Variants in UNK observed in about 807,000 individuals in gnomAD.
UNK encodes unk zinc finger, also known as RING finger protein unkempt homolog.
A neutral mutation model predicts 97.6 loss-of-function variants in UNK; 32 were observed. The ratio of observed to expected loss-of-function variants is 0.33; its 90% CI spans 0.25 to 0.44. UNK has a LOEUF of 0.44. Ranked by LOEUF, UNK falls within the 20% of genes least tolerant of loss-of-function variation. UNK has a pLI of 1.00. For synonymous variants in UNK, 441 were observed against 461.2 expected, an observed-to-expected ratio of 0.96 and a Z score of 0.56; for missense variants, 771 against 1,098.4, an observed-to-expected ratio of 0.70 and a Z score of 4.21.
chr17:75,823,672 G>A, intron 15 of UNK, 150 bp downstream of exon 15: 1 of 1,208,170 alleles, frequency 8.3e-7, no homozygotes. Context: ...CCGGCCTGCT[G>A]GGAATGGGTG....
intron 1 of UNK, chr17:75,793,842 T>A: frequency 1.0e-6 from 1 of 985,462 alleles, no homozygotes. Flanking sequence ...TACCCCCACA[T>A]AAGAGAAGTA....
chr17:75,809,968 G>A lies in UNK; in HGVS notation c.313G>A (p.Glu105Lys), dbSNP rs2061953437. The A allele has an allele frequency of 1.9e-6, 3 of 1,613,270 alleles. No homozygotes were observed. Among genetic ancestry groups the A allele is most frequent in the Non-Finnish European group, 2.5e-6 (3 of 1,179,878 alleles). Residue 105 changes from glutamate (E) to lysine (K), a missense_variant and splice_region_variant, in exon 2 of 16, where the codon GAG (glutamate) becomes AAG (lysine). Coordinates refer to ENST00000589666, the MANE Select transcript of UNK (RefSeq NM_001080419.3). ...EATGLCPEGDECPFLHRTTGD... is the reference protein window; with the variant it reads ...EATGLCPEGDKCPFLHRTTGD... ...TACAGGCCTCTGCCCGGAGGGCGAC[G>A]AGTGAGTGACCCAGCCTGTCCTCAG...
At chr17:75,796,856 G>A (rs1256787086) in intron 1 of UNK, among the ~76,000 whole-genome samples, 1 of 152,132 alleles carries the variant, frequency 6.6e-6, no homozygotes, top group Non-Finnish European at 1.5e-5. Flanking sequence ...TGGCTCATAT[G>A]CTCTTACAAT....
chr17:75,817,049 T>C lies in UNK; in HGVS notation c.1104+137T>C. 7.4e-7 allele frequency: 1 copy of C among 1,353,718 alleles called. No individual in the cohort carries two copies. The highest frequency in any genetic ancestry group is 9.8e-7 in the Non-Finnish European group (1 of 1,022,152). The allele number at this position is 1,353,718 out of a possible 1,614,324, so 83.9% of individuals were successfully genotyped here. A position where few individuals can be genotyped will look rare whatever the true frequency, so the allele number is the denominator to read the frequency against. On this transcript the variant is annotated intron_variant, in intron 8 of 15. Coordinates refer to ENST00000589666, the MANE Select transcript of UNK (RefSeq NM_001080419.3). This position sits in a 1 kb window ranked among gnomAD's most constrained non-coding sequence, Gnocchi z 5.8. Reference sequence around the variant, plus strand: ...GCCAGGGGGATCTGTCTTTTCCATCTCAGCATTCTTCGTCAAAAGTCCAGG... The same window carrying C: ...GCCAGGGGGATCTGTCTTTTCCATCCCAGCATTCTTCGTCAAAAGTCCAGG...
rs780894433 is a variant in UNK, at chr17:75,812,098, C to G, written c.315-14C>G. The stretch of plus-strand genomic sequence containing the variant: ...AGGCAGCAAAGTTGAGTGACCCCCA[C>G]TACCGTGTTCCAGGTGCCCATTCCT... On this transcript the variant is annotated splice_polypyrimidine_tract_variant and intron_variant, in intron 2 of 15. Coordinates refer to ENST00000589666, the MANE Select transcript of UNK (RefSeq NM_001080419.3). 3 of 1,584,214 alleles carry G rather than the reference C, an allele frequency of 1.9e-6. No homozygotes were observed. The highest frequency in any genetic ancestry group is 2.7e-5 in the African/African-American group (2 of 74,374).
At chr17:75,813,257 A>AG in intron 5 of UNK, 44 bp downstream of exon 5, 1 of 1,542,820 alleles carries the variant, frequency 6.5e-7, no homozygotes, top group Non-Finnish European at 8.7e-7. Context: ...GAGGAGTGGC[A>AG]GGGAAGGGGT....
chr17:75,821,325 G>C (rs2062065967), intron 13 of UNK: 1 of 454,694 alleles, frequency 2.2e-6, no homozygotes, highest in Non-Finnish European at 4.4e-6. Flanking sequence ...AACAGTCCCT[G>C]CTGTCCAGCA....
chr17:75,787,553 C>T (rs529816513), intron 1 of UNK, among the ~76,000 whole-genome samples: 13 of 149,078 alleles, frequency 8.7e-5, no homozygotes, highest in Non-Finnish European at 1.3e-4. Flanking sequence ...GGGCAGGGTG[C>T]GGTTGCTCAC....
intron 1 of UNK, among the ~76,000 whole-genome samples, chr17:75,802,567 C>T (rs533990106): frequency 6.6e-6 from 1 of 152,144 alleles, no homozygotes; most frequent in Admixed American, 6.5e-5. Flanking sequence ...GGAATATTTC[C>T]TTACAGCAGA....
At chr17:75,803,585 T>C (rs1361894515) in intron 1 of UNK, among the ~76,000 whole-genome samples, 1 of 152,180 alleles carries the variant, frequency 6.6e-6, no homozygotes, top group Admixed American at 6.5e-5. Context: ...TGTAAGGTGG[T>C]TTATTCATTG....
At chr17:75,787,756 C>G (rs2061725937) in intron 1 of UNK, among the ~76,000 whole-genome samples, 1 of 150,802 alleles carries the variant, frequency 6.6e-6, no homozygotes, top group African/African-American at 2.4e-5. Flanking sequence ...ACCCAGGAGG[C>G]AGAGGTTGCA....
intron 1 of UNK, among the ~76,000 whole-genome samples, chr17:75,805,775 G>A (rs918550259): frequency 1.2e-4 from 18 of 151,850 alleles, no homozygotes; most frequent in Non-Finnish European, 8.8e-5. Context: ...TCCAGCCTGG[G>A]CAACAGAGCG....
rs2062018954 is a variant in UNK at position 75,816,740 on chromosome 17, C to A, written c.962-30C>A. ...TTTGGAGGGACAGAGCTGGCTGGGG[C>A]CTGCTGACCCCTGCCCCTGACTCTT... On this transcript the variant is annotated intron_variant, in intron 7 of 15. Transcript: ENST00000589666. This position sits in a 1 kb window ranked among gnomAD's most constrained non-coding sequence, Gnocchi z 4.0. 3 of 1,578,056 alleles carry A rather than the reference C, an allele frequency of 1.9e-6. No individual in the cohort carries two copies. Among genetic ancestry groups the A allele is most frequent in the Non-Finnish European group, 2.6e-6 (3 of 1,165,426 alleles).
At position 75,816,928 on chromosome 17, in the gene UNK, G is replaced by T; in HGVS notation, c.1104+16G>T. 6.3e-7 allele frequency: 1 copy of T among 1,594,490 alleles called. No homozygotes were observed. ...CCTCAGTGCCGTACGTGTCCATCCT[G>T]GGGAGTGGGTGGGCACCATGCCTGA... On this transcript the variant is annotated intron_variant, in intron 8 of 15. Coordinates refer to ENST00000589666, the MANE Select transcript of UNK (RefSeq NM_001080419.3). This position sits in a 1 kb window ranked among gnomAD's most constrained non-coding sequence, Gnocchi z 4.0.
Position 75,799,135 on chromosome 17 carries a change from A to T in UNK, c.105-10625A>T, listed in dbSNP as rs139307008. On this transcript the variant is annotated intron_variant, in intron 1 of 15. Coordinates refer to ENST00000589666, the MANE Select transcript of UNK (RefSeq NM_001080419.3). ...AGAGCAGCCTGGGCAACATGGCGAA[A>T]CCTCATCTCTACAAAAAAATACAAA... 9.2e-4 allele frequency among the ~76,000 whole-genome samples: 140 copies of T among 151,668 alleles called. 2 individuals are homozygous for T. The East Asian group carries it at 0.023, about 25-fold the overall frequency.
chr17:75,822,889 C>T (rs2062082043), intron 14 of UNK, among the ~76,000 whole-genome samples: 1 of 152,230 alleles, frequency 6.6e-6, no homozygotes. Context: ...TGCTTGTAGT[C>T]TGTCCCAGGA....
chr17:75,797,442 C>T (rs1349963044), intron 1 of UNK, among the ~76,000 whole-genome samples: 1 of 152,234 alleles, frequency 6.6e-6, no homozygotes, highest in Admixed American at 6.5e-5. Flanking sequence ...CCCATGTTGG[C>T]TAGGCTGGTC....
chr17:75,802,242 CTTTTTTTTTTTTTTTTTT>C lies in UNK; in HGVS notation c.105-7501_105-7484del, dbSNP rs56221993. On this transcript the variant is annotated intron_variant, in intron 1 of 15. Transcript: ENST00000589666. ...TGATGGATTTTTTCAGCACAGATGTCTTTTTTTTTTTTTTTTTTTTTTTTTTTTTTTTTTGAGACAGGG... is the reference window on the plus strand; with the variant it reads ...TGATGGATTTTTTCAGCACAGATGTCTTTTTTTTTTTTTTTTGAGACAGGG... Among the ~76,000 whole-genome samples, 7 of 47,260 alleles carry C rather than the reference CTTTTTTTTTTTTTTTTTT, an allele frequency of 1.5e-4. 1 individual carries two copies. The highest frequency in any genetic ancestry group is 5.4e-4 in the African/African-American group (6 of 11,074). 31.0% of individuals were successfully genotyped at this position (47,260 alleles called of 152,430 possible).
chr17:75,794,674 TGGTAGTTAAGAGTACTGACTCCA>T (rs1327849180), intron 1 of UNK, among the ~76,000 whole-genome samples: 1 of 151,810 alleles, frequency 6.6e-6, no homozygotes, highest in Non-Finnish European at 1.5e-5. Context: ...ATAGTCAGCA[TGGTAGTTAAGAGTACTGACTCCA>T]GGGTCACACC....
Sources: gnomAD v4.1 joint callset for allele counts (sites outside exome capture counted in the v4.1 genomes callset) on GRCh38, gnomAD v4.1.1 for gene constraint, Gnocchi (gnomAD v3.1) non-coding constraint, MANE v1.5 for transcripts, NCBI Gene and HGNC (gene_info 2026-07-23, HGNC 2026-07-21) for gene names.